The following ROCK1 variants were observed in gnomAD, a reference collection of about 807,000 sequenced individuals.
ROCK1 encodes the protein Rho associated coiled-coil containing protein kinase 1, also known as rho-associated protein kinase 1.
ROCK1 carries 36 observed loss-of-function variants against 196.8 expected under a neutral mutation model. The ratio of observed to expected loss-of-function variants is 0.18; its 90% CI spans 0.14 to 0.24. The LOEUF is 0.24. ROCK1 is among the 10% of genes least tolerant of loss of function. ROCK1 has a pLI of 1.00. For missense variants in ROCK1, 920 were observed against 1,562.0 expected (o/e 0.59, Z 6.93); for synonymous variants, 443 against 515.9 (o/e 0.86, Z 1.91).
chr18:20,963,232 A>G (rs1198549252), intron 27 of ROCK1, among the ~76,000 whole-genome samples: 1 of 152,130 alleles, frequency 6.6e-6, no homozygotes, highest in Non-Finnish European at 1.5e-5. Flanking sequence ...AATATCAGCG[A>G]TTTCTTTACC....
At chr18:21,103,783 G>C (rs2036679599) in intron 1 of ROCK1, among the ~76,000 whole-genome samples, 1 of 151,980 alleles carries the variant, frequency 6.6e-6, no homozygotes, top group Non-Finnish European at 1.5e-5. Flanking sequence ...GCAACTATCT[G>C]GTCCAACTCT....
chr18:20,950,295 T>C lies in ROCK1; in HGVS notation c.*1089A>G, dbSNP rs1297338637. Reference sequence around the variant, plus strand: ...TGTAGCAGGTAGTTTGATGCAAAGATTGTACTCAATTTATGAAAGTCCAAC... The same window carrying C: ...TGTAGCAGGTAGTTTGATGCAAAGACTGTACTCAATTTATGAAAGTCCAAC... On this transcript the variant is annotated 3_prime_UTR_variant, in exon 33 of 33. Coordinates refer to ENST00000399799, the MANE Select transcript of ROCK1 (RefSeq NM_005406.3). 1 of 152,418 alleles carries C rather than the reference T, an allele frequency of 6.6e-6. No homozygotes were observed. The highest frequency in any genetic ancestry group is 1.5e-5 in the Non-Finnish European group (1 of 68,028). 9.4% of individuals were successfully genotyped at this position (152,418 alleles called of 1,614,324 possible). A position where few individuals can be genotyped will look rare whatever the true frequency, so the allele number is the denominator to read the frequency against.
At chr18:21,002,737 T>C (rs2035735807) in intron 16 of ROCK1, among the ~76,000 whole-genome samples, 3 of 152,070 alleles carry the variant, frequency 2.0e-5, no homozygotes, top group East Asian at 1.9e-4. Flanking sequence ...TGTTTTTTCA[T>C]TCGTTTGTTT....
At chr18:20,967,231 C>G (rs1442808436) in intron 26 of ROCK1, among the ~76,000 whole-genome samples, 155 bp from the exon 27 acceptor site, 2 of 152,292 alleles carry the variant, frequency 1.3e-5, no homozygotes, top group African/African-American at 2.4e-5. Context: ...ACAGAAATGT[C>G]AAGTTCTTTC....
chr18:21,020,102 A>G (rs774096961), intron 12 of ROCK1, 49 bp downstream of exon 12: 1 of 1,096,908 alleles, frequency 9.1e-7, no homozygotes, highest in East Asian at 2.5e-5. Flanking sequence ...TCAAGTAAGT[A>G]TTTGGTATAT....
intron 2 of ROCK1, among the ~76,000 whole-genome samples, chr18:21,064,401 T>C (rs1033108717): frequency 6.6e-6 from 1 of 152,236 alleles, no homozygotes; most frequent in Non-Finnish European, 1.5e-5. Context: ...ATCATTACAT[T>C]CTCTACAAAC....
intron 1 of ROCK1, among the ~76,000 whole-genome samples, chr18:21,109,167 T>C (rs1010488700): frequency 1.3e-5 from 2 of 152,206 alleles, no homozygotes; most frequent in Non-Finnish European, 2.9e-5. Context: ...ATTTTCTCAA[T>C]CTGTGAAGTG....
chr18:21,110,895 T>C lies in ROCK1; in HGVS notation c.16A>G (p.Ser6Gly), dbSNP rs376919635. 9.9e-6 allele frequency: 16 copies of C among 1,614,086 alleles called. No homozygotes were observed. Among genetic ancestry groups the C allele is most frequent in the Admixed American group, 1.7e-5 (1 of 60,028 alleles). Residue 6 changes from serine to glycine, a missense_variant, in exon 1 of 33, where the codon AGT (serine) becomes GGT (glycine). Ser to Gly is a moderately conservative substitution (Grantham distance 56, BLOSUM62 0). Around this residue, in one of 6 missense-constraint regions of ROCK1, gnomAD observed 234 missense variants for 460.7 expected, o/e 0.51. Coordinates refer to ENST00000399799, the MANE Select transcript of ROCK1 (RefSeq NM_005406.3). ...ATTTTTTCAAATCGAGTCTCAAAAC[T>C]GTCCCCAGTCGACATGTTGCTGCTG... MSTGDSFETRFEKMDN... is the reference protein window; with the variant it reads MSTGDGFETRFEKMDN...
Position 21,020,183 on chromosome 18 carries a change from C to A in ROCK1, c.1329G>T (p.Met443Ile), listed in dbSNP as rs781042450. 6.3e-7 allele frequency: 1 copy of A among 1,598,800 alleles called. No homozygotes were observed. The highest frequency in any genetic ancestry group is 8.5e-7 in the Non-Finnish European group (1 of 1,175,582). Residue 443 changes from methionine (M) to isoleucine (I), a missense_variant, in exon 12 of 33, where the codon ATG becomes ATT. Physicochemically the swap from Met to Ile is conservative, Grantham distance 10 (BLOSUM62 1). This residue lies in a region of ROCK1 where 520 missense variants were observed against 657.1 expected (regional missense o/e 0.79). Coordinates refer to ENST00000399799, the MANE Select transcript of ROCK1 (RefSeq NM_005406.3). The stretch of plus-strand genomic sequence containing the variant: ...TCTGCTCCATTTCATCTTTTAACTG[C>A]ATTTCATTATGCAGCTGTTCTTCCA... ...YKLEEQLHNE[M>I]QLKDEMEQKC...
chr18:21,015,066 ATT>A (rs1211994499), intron 13 of ROCK1, among the ~76,000 whole-genome samples: 3 of 152,206 alleles, frequency 2.0e-5, no homozygotes, highest in Non-Finnish European at 4.4e-5. Flanking sequence ...TTTTAAAAAT[ATT>A]TTAAACTGTA....
chr18:21,076,672 TACACACACACACACAC>T (rs112541303), intron 1 of ROCK1, among the ~76,000 whole-genome samples: 2 of 146,164 alleles, frequency 1.4e-5, no homozygotes, highest in East Asian at 2.0e-4. Flanking sequence ...TCTTGGTACA[TACACACACACACACAC>T]ACACACACAC....
chr18:21,109,010 G>A (rs1598566444), intron 1 of ROCK1, among the ~76,000 whole-genome samples: 1 of 152,128 alleles, frequency 6.6e-6, no homozygotes. Context: ...CTCTATTCAC[G>A]TTATCCTCCA....
chr18:21,023,810 T>C (rs544971195), intron 10 of ROCK1, 130 bp from the exon 11 acceptor site: 6 of 452,474 alleles, frequency 1.3e-5, no homozygotes, highest in African/African-American at 1.0e-4. Context: ...AAATTAAGTA[T>C]AGGTTCATAA....
intron 22 of ROCK1, among the ~76,000 whole-genome samples, chr18:20,974,988 CACTT>C (rs2035466184): frequency 6.6e-6 from 1 of 152,224 alleles, no homozygotes; most frequent in African/African-American, 2.4e-5. Flanking sequence ...ATTTAACAAA[CACTT>C]GCTGAGCATC....
intron 9 of ROCK1, among the ~76,000 whole-genome samples, chr18:21,031,233 A>G (rs1317322494): frequency 6.6e-6 from 1 of 152,314 alleles, no homozygotes; most frequent in East Asian, 1.9e-4. Context: ...CTTTAAAACA[A>G]TGTCCAGTTT....
intron 11 of ROCK1, among the ~76,000 whole-genome samples, chr18:21,023,314 G>A (rs1477611506): frequency 1.3e-5 from 2 of 152,092 alleles, no homozygotes; most frequent in Non-Finnish European, 2.9e-5. Context: ...TAATCTGTTT[G>A]CCTGTCAAGA....
chr18:20,950,672 ACT>A lies in ROCK1; in HGVS notation c.*710_*711del, dbSNP rs1433833421. On this transcript the variant is annotated 3_prime_UTR_variant, in exon 33 of 33. Coordinates refer to ENST00000399799, the MANE Select transcript of ROCK1 (RefSeq NM_005406.3). Reference sequence around the variant, plus strand: ...TCCTAATGTCTCTAGTAGTAAAATAACTCAATATGGCTTGGCAAAAATGCATA... The same window carrying A: ...TCCTAATGTCTCTAGTAGTAAAATAACAATATGGCTTGGCAAAAATGCATA... 1 of 152,374 alleles carries A rather than the reference ACT, an allele frequency of 6.6e-6. No homozygotes were observed. The highest frequency in any genetic ancestry group is 1.5e-5 in the Non-Finnish European group (1 of 67,966). 9.4% of individuals were successfully genotyped at this position (152,374 alleles called of 1,614,324 possible). A position where few individuals can be genotyped will look rare whatever the true frequency, so the allele number is the denominator to read the frequency against.
intron 20 of ROCK1, among the ~76,000 whole-genome samples, chr18:20,983,334 A>T (rs2035550192): frequency 1.3e-5 from 2 of 150,416 alleles, no homozygotes. Context: ...GGTGGAAATG[A>T]ACCATCAGGT....
chr18:21,008,044 G>C lies in ROCK1; in HGVS notation c.1546+15C>G. 1 of 1,575,080 alleles carries C rather than the reference G, an allele frequency of 6.3e-7. No homozygotes were observed. Among genetic ancestry groups the C allele is most frequent in the Non-Finnish European group, 8.6e-7 (1 of 1,159,486 alleles). On this transcript the variant is annotated intron_variant, in intron 14 of 32. Transcript: ENST00000399799. ...TTAGAAATTCTATCATTTTTCAAAAGTAGTGACAATTTACCTTCATTTTCT... is the reference window on the plus strand; with the variant it reads ...TTAGAAATTCTATCATTTTTCAAAACTAGTGACAATTTACCTTCATTTTCT...
Sources: gnomAD v4.1 joint callset for allele counts (sites outside exome capture counted in the v4.1 genomes callset) on GRCh38, gnomAD v4.1.1 for gene constraint, gnomAD v4.1.1 regional missense constraint, MANE v1.5 for transcripts, NCBI Gene and HGNC (gene_info 2026-07-23, HGNC 2026-07-21) for gene names.